The following CD163 variants were observed in gnomAD, a reference collection of about 807,000 sequenced individuals.
CD163 encodes CD163 molecule.
In CD163, 64 loss-of-function variants were observed where a neutral mutation model predicts 129.2. The ratio of observed to expected loss-of-function variants is 0.50; its 90% CI spans 0.41 to 0.61. The LOEUF is 0.61. CD163 is among the 20% of genes least tolerant of loss of function. The probability of loss-of-function intolerance (pLI) is 0.00; values close to 1 mark genes in which losing one functional copy is unlikely to be tolerated. For missense variants in CD163, 1,061 were observed against 1,377.9 expected (o/e 0.77, Z 3.64); for synonymous variants, 446 against 478.5 (o/e 0.93, Z 0.89).
Position 7,485,899 on chromosome 12 carries a change from CAG to C in CD163, c.2459-485_2459-484del, listed in dbSNP as rs1949241581. Among the ~76,000 whole-genome samples, 2 of 151,206 alleles carry C rather than the reference CAG, an allele frequency of 1.3e-5. No homozygotes were observed. The highest frequency in any genetic ancestry group is 4.1e-4 in the South Asian group (2 of 4,830). On this transcript the variant is annotated intron_variant, in intron 10 of 16. Transcript: ENST00000432237. This position sits in a 1 kb window ranked among gnomAD's most constrained non-coding sequence, Gnocchi z 4.5. Reference sequence around the variant, plus strand: ...ATAGGAATAAATCACTTCTGAGATACAGAGTTTTTCACTTCCTTAAGTTACTG... The same window carrying C: ...ATAGGAATAAATCACTTCTGAGATACAGTTTTTCACTTCCTTAAGTTACTG...
At chr12:7,490,422 G>A (rs763305300) in intron 6 of CD163, among the ~76,000 whole-genome samples, 2 of 152,016 alleles carry the variant, frequency 1.3e-5, no homozygotes, top group Non-Finnish European at 2.9e-5. Flanking sequence ...ATCAAGATAA[G>A]TGAGTTTCTT....
At position 7,488,242 on chromosome 12, in the gene CD163, G is replaced by C. The variant is rs762467215; in HGVS notation, c.1421-155C>G. Reference sequence around the variant, plus strand: ...GTCTTGGCTTTTCTGCCTCGAGTTGGGTATGGATAAATCTAGACCTCCCCA... The same window carrying C: ...GTCTTGGCTTTTCTGCCTCGAGTTGCGTATGGATAAATCTAGACCTCCCCA... On this transcript the variant is annotated intron_variant, in intron 6 of 16. Coordinates refer to ENST00000432237, the MANE Select transcript of CD163 (RefSeq NM_203416.4). Among the ~76,000 whole-genome samples the C allele has an allele frequency of 1.6e-3, 243 of 152,156 alleles. 1 individual carries two copies. The highest frequency in any genetic ancestry group is 5.6e-3 in the African/African-American group (232 of 41,498).
intron 16 of CD163, among the ~76,000 whole-genome samples, chr12:7,478,237 T>G (rs10845265): frequency 0.12 from 18,886 of 152,116 alleles, 1,918 homozygotes; most frequent in African/African-American, 0.27. Flanking sequence ...TCAAAGGGTC[T>G]GTGAATCTTT....
At chr12:7,476,579 A>C (rs762842932) in intron 16 of CD163, among the ~76,000 whole-genome samples, 13 of 152,218 alleles carry the variant, frequency 8.5e-5, no homozygotes, top group Admixed American at 2.0e-4. Context: ...CGTATACAAA[A>C]ATTAACTCAA....
chr12:7,492,168 T>A (rs1362919742), intron 6 of CD163, among the ~76,000 whole-genome samples: 1 of 152,010 alleles, frequency 6.6e-6, no homozygotes, highest in African/African-American at 2.4e-5. Context: ...GCCCCCAACA[T>A]AAGTAGAAGA....
At position 7,495,109 on chromosome 12, in the gene CD163, G is replaced by A. The variant is rs1451879286; in HGVS notation, c.1392C>T (p.His464=). The change falls in exon 6 of 17, where the codon CAC becomes CAT. Residue 464 remains histidine, a synonymous_variant. Coordinates refer to ENST00000432237, the MANE Select transcript of CD163 (RefSeq NM_203416.4). ...NWQWGGLTCD[H]YEEAKITCSA... ...AGCAGGTAATTTTGGCTTCTTCATA[G>A]TGATCACAGGTAAGTCCACCCCATT... The A allele has an allele frequency of 6.2e-7, 1 of 1,613,962 alleles. No homozygotes were observed. Among genetic ancestry groups the A allele is most frequent in the Non-Finnish European group, 8.5e-7 (1 of 1,179,958 alleles).
chr12:7,482,545 T>A (rs1949175945), intron 14 of CD163, 98 bp downstream of exon 14: 2 of 1,334,494 alleles, frequency 1.5e-6, no homozygotes, highest in African/African-American at 2.9e-5. Context: ...TCTTTTAGAG[T>A]CCATCTTTCT....
At chr12:7,498,007 T>C (rs1207657334) in intron 4 of CD163, among the ~76,000 whole-genome samples, 1 of 152,170 alleles carries the variant, frequency 6.6e-6, no homozygotes, top group African/African-American at 2.4e-5. Flanking sequence ...CCAGATGACA[T>C]TGTTCAAGAA....
At chr12:7,501,914 T>C (rs1475874559) in intron 2 of CD163, among the ~76,000 whole-genome samples, 2 of 152,232 alleles carry the variant, frequency 1.3e-5, no homozygotes, top group East Asian at 1.9e-4. Context: ...CATACGTATA[T>C]GTAAAATAGC....
chr12:7,481,284 A>G (rs1173413460), intron 14 of CD163, 28 bp from the exon 15 acceptor site: 1 of 1,552,358 alleles, frequency 6.4e-7, no homozygotes, highest in African/African-American at 1.4e-5. Context: ...TAGGTTAGGG[A>G]TCAGCTATCA....
Position 7,482,729 on chromosome 12 carries a change from A to G in CD163, c.3161T>C (p.Val1054Ala). 3.1e-6 allele frequency: 5 copies of G among 1,614,106 alleles called. No individual in the cohort carries two copies. The highest frequency in any genetic ancestry group is 4.2e-6 in the Non-Finnish European group (5 of 1,179,940). The change falls in exon 14 of 17, where the codon GTC becomes GCC. Residue 1054 changes from valine (V) to alanine (A), a missense_variant. By Grantham distance (64) the Val-to-Ala change is moderately conservative. Coordinates refer to ENST00000432237, the MANE Select transcript of CD163 (RefSeq NM_203416.4). ...RSSRQSSFIAVGILGVVLLAI... is the reference protein window; with the variant it reads ...RSSRQSSFIAAGILGVVLLAI... ...CAACAGAACAACCCCAAGGATCCCGACTGCAATAAAGGATGACTGACGGGA... is the reference window on the plus strand; with the variant it reads ...CAACAGAACAACCCCAAGGATCCCGGCTGCAATAAAGGATGACTGACGGGA...
In CD163 at chr12:7,486,710, G is replaced by A; in HGVS notation, c.2247C>T (p.Asp749=). The change falls in exon 10 of 17, where the codon GAC becomes GAT. Residue 749 remains aspartate, a synonymous_variant. Coordinates refer to ENST00000432237, the MANE Select transcript of CD163 (RefSeq NM_203416.4). The stretch of plus-strand genomic sequence containing the variant: ...TGCAAACCACGTGGGCATCACTCAG[G>A]TCCCAGCTGTCATCACAGATGGTGC... ...SWGTICDDSW[D]LSDAHVVCRQ... is the part of the protein sequence containing the mutation. The A allele has an allele frequency of 1.2e-6, 2 of 1,614,092 alleles. No homozygotes were observed. Among genetic ancestry groups the A allele is most frequent in the Non-Finnish European group, 8.5e-7 (1 of 1,180,014 alleles).
rs745678646 is a variant in CD163 at position 7,503,719 on chromosome 12, T to C, written c.-29A>G. 5.8e-5 allele frequency: 83 copies of C among 1,427,554 alleles called. No homozygotes were observed. In the South Asian group the frequency reaches 9.0e-4, roughly 15 times the overall value. The allele number at this position is 1,427,554 out of a possible 1,614,324, so 88.4% of individuals were successfully genotyped here. A position where few individuals can be genotyped will look rare whatever the true frequency, so the allele number is the denominator to read the frequency against. On this transcript the variant is annotated 5_prime_UTR_variant, in exon 1 of 17. Coordinates refer to ENST00000432237, the MANE Select transcript of CD163 (RefSeq NM_203416.4). ...AAAGATTTATAACTTCAATGATTCC[T>C]AAATCTTCTTGTATTATTCCCTAGA...
chr12:7,484,285 A>C (rs1415033455), intron 11 of CD163, among the ~76,000 whole-genome samples: 3 of 152,148 alleles, frequency 2.0e-5, no homozygotes, highest in African/African-American at 7.2e-5. Context: ...TGTGATGTCA[A>C]ATTCTTTCAA....
intron 6 of CD163, among the ~76,000 whole-genome samples, chr12:7,489,185 G>T (rs1440149682): frequency 2.0e-5 from 3 of 152,076 alleles, no homozygotes; most frequent in African/African-American, 7.2e-5. Context: ...TGACTTTCAT[G>T]ATACATTGAA....
rs999164791 is a variant in CD163 at position 7,485,018 on chromosome 12, T to C, written c.2779+78A>G. 3 of 1,292,096 alleles carry C rather than the reference T, an allele frequency of 2.3e-6. No homozygotes were observed. In the African/African-American group the frequency reaches 4.4e-5, roughly 19 times the overall value. 80.0% of individuals were successfully genotyped at this position (1,292,096 alleles called of 1,614,324 possible). A position where few individuals can be genotyped will look rare whatever the true frequency, so the allele number is the denominator to read the frequency against. On this transcript the variant is annotated intron_variant, in intron 11 of 16. Transcript: ENST00000432237. This position sits in a 1 kb window ranked among gnomAD's most constrained non-coding sequence, Gnocchi z 4.5. Reference sequence around the variant, plus strand: ...TTAAGCCAGTGTGAGAATAGGAAAATAAAATCCAGTGTCCATTATCAGAAG... The same window carrying C: ...TTAAGCCAGTGTGAGAATAGGAAAACAAAATCCAGTGTCCATTATCAGAAG...
In CD163 at chr12:7,485,826, CT is replaced by C. The variant is rs1949240290; in HGVS notation, c.2459-411del. ...TAAAATGACAGTTCATTTGCTGACA[CT>C]TCACAGTTTTGCAGTGCATGTCTTC... On this transcript the variant is annotated intron_variant, in intron 10 of 16. Coordinates refer to ENST00000432237, the MANE Select transcript of CD163 (RefSeq NM_203416.4). This position sits in a 1 kb window ranked among gnomAD's most constrained non-coding sequence, Gnocchi z 4.5. Among the ~76,000 whole-genome samples, 1 of 152,158 alleles carries C rather than the reference CT, an allele frequency of 6.6e-6. No homozygotes were observed.
chr12:7,486,550 A>C lies in CD163; in HGVS notation c.2407T>G (p.Trp803Gly). 6.2e-7 allele frequency: 1 copy of C among 1,614,216 alleles called. No individual in the cohort carries two copies. Among genetic ancestry groups the C allele is most frequent in the Non-Finnish European group, 8.5e-7 (1 of 1,180,036 alleles). Residue 803 changes from tryptophan to glycine, a missense_variant, in exon 10 of 17, where the codon TGG becomes GGG. Physicochemically the swap from Trp to Gly is radical, Grantham distance 184 (BLOSUM62 -2). Transcript: ENST00000432237. ...SRIWQCHSHGWGQQNCRHKED... is the reference protein window; with the variant it reads ...SRIWQCHSHGGGQQNCRHKED... ...TTGTGCCTGCAATTTTGCTGCCCCC[A>C]GCCGTGTGAATGGCACTGCCAAATG...
Position 7,485,244 on chromosome 12 carries a change from A to G in CD163, c.2631T>C (p.Pro877=). ...TGGACATGGCCTTGTCTAAAGATGC[A>G]GGGTTGATTTTCCCTTTGTCTGCAC... is the stretch of plus-strand genomic sequence containing the variant. The part of the protein sequence containing the change: ...LGCADKGKIN[P]ASLDKAMSIP... The change falls in exon 11 of 17, where the codon CCT becomes CCC. Residue 877 remains proline (P), a synonymous_variant. Transcript: ENST00000432237. The surrounding 1 kb of genome is among the most constrained non-coding windows in gnomAD (Gnocchi z 4.5). 1 of 1,614,206 alleles carries G rather than the reference A, an allele frequency of 6.2e-7. No individual in the cohort carries two copies. The highest frequency in any genetic ancestry group is 8.5e-7 in the Non-Finnish European group (1 of 1,180,026).
Sources: allele counts gnomAD v4.1 joint callset (sites outside exome capture counted in the v4.1 genomes callset), GRCh38; gene constraint gnomAD v4.1.1; non-coding constraint Gnocchi (gnomAD v3.1); transcripts MANE v1.5; gene names NCBI Gene and HGNC (gene_info 2026-07-23, HGNC 2026-07-21).